RPS6KC1: variants seen among roughly 807,000 people sequenced by gnomAD.
RPS6KC1 encodes the protein ribosomal protein S6 kinase C1, also known as inactive ribosomal protein S6 kinase delta-1.
Under a neutral mutation model 103.8 loss-of-function variants are expected in RPS6KC1, and 54 were observed. The observed-to-expected ratio is 0.52, with a 90% CI of 0.42 to 0.65. RPS6KC1 has a LOEUF of 0.65. Among genes scored for constraint, RPS6KC1 ranks in the 30% least tolerant of loss-of-function variants. RPS6KC1 has a pLI of 0.00. For synonymous variants in RPS6KC1, 439 were observed against 438.7 expected, an observed-to-expected ratio of 1.00 and a Z score of -0.01; for missense variants, 1,151 against 1,253.8, an observed-to-expected ratio of 0.92 and a Z score of 1.24.
At chr1:213,343,389 GTGTATATATATATATA>G in the RPS6KC1 span, among the ~76,000 whole-genome samples, 23 of 65,862 alleles carry the variant, frequency 3.5e-4, 1 homozygote, top group African/African-American at 1.7e-3. Context: ...TCAGTGTTGT[GTGTATATATATATATA>G]TATATATATA....
the RPS6KC1 span, among the ~76,000 whole-genome samples, chr1:213,550,113 G>C: frequency 6.6e-6 from 1 of 152,134 alleles, no homozygotes; most frequent in Non-Finnish European, 1.5e-5. Context: ...ATTTACTGAA[G>C]TTCTATTTTA....
the RPS6KC1 span, among the ~76,000 whole-genome samples, chr1:213,669,654 C>T: frequency 6.6e-6 from 1 of 152,124 alleles, no homozygotes; most frequent in Non-Finnish European, 1.5e-5. Flanking sequence ...ACACAATGTC[C>T]GTAAAACGCA....
At chr1:213,645,538 G>A in the RPS6KC1 span, among the ~76,000 whole-genome samples, 1 of 152,128 alleles carries the variant, frequency 6.6e-6, no homozygotes, top group Admixed American at 6.5e-5. Context: ...TGTTGTCTCT[G>A]GGGTTGTAAT....
At chr1:213,710,068 T>C in the RPS6KC1 span, among the ~76,000 whole-genome samples, 1 of 152,236 alleles carries the variant, frequency 6.6e-6, no homozygotes, top group South Asian at 2.1e-4. Flanking sequence ...AAGTCCTGAA[T>C]ATCTTTGTTA....
At chr1:213,512,406 G>A in the RPS6KC1 span, among the ~76,000 whole-genome samples, 1 of 152,184 alleles carries the variant, frequency 6.6e-6, no homozygotes, top group Admixed American at 6.5e-5. Flanking sequence ...CCAATTTGGG[G>A]TCTTTTATAA....
chr1:213,558,546 C>A, the RPS6KC1 span, among the ~76,000 whole-genome samples: 1 of 152,186 alleles, frequency 6.6e-6, no homozygotes, highest in Non-Finnish European at 1.5e-5. Flanking sequence ...CCCATTGGAG[C>A]TTTTCAGCCC....
chr1:213,814,082 A>C, the RPS6KC1 span, among the ~76,000 whole-genome samples: 2 of 152,228 alleles, frequency 1.3e-5, no homozygotes, highest in Non-Finnish European at 2.9e-5. Context: ...GAACATGTGG[A>C]TGCTGTACTC....
chr1:213,228,926 A>G (rs1441584590), intron 8 of RPS6KC1, among the ~76,000 whole-genome samples: 1 of 152,144 alleles, frequency 6.6e-6, no homozygotes, highest in African/African-American at 2.4e-5. Context: ...AATACTTGGT[A>G]TTCAGAAGGT....
chr1:213,075,565 C>T (rs920807569), intron 2 of RPS6KC1, among the ~76,000 whole-genome samples: 12 of 152,176 alleles, frequency 7.9e-5, no homozygotes, highest in South Asian at 2.1e-4. Context: ...AGCTCCCTCA[C>T]GAGCTCCTAA....
At chr1:213,361,743 C>A in the RPS6KC1 span, among the ~76,000 whole-genome samples, 4,699 of 152,338 alleles carry the variant, frequency 0.031, 257 homozygotes, top group African/African-American at 0.11. Context: ...CCCCAGTTTA[C>A]AAAGACGCAC....
At chr1:213,494,013 A>G in the RPS6KC1 span, among the ~76,000 whole-genome samples, 1 of 152,082 alleles carries the variant, frequency 6.6e-6, no homozygotes, top group Non-Finnish European at 1.5e-5. Flanking sequence ...GAGGCTGTCA[A>G]TCTGTAGGTA....
the RPS6KC1 span, among the ~76,000 whole-genome samples, chr1:213,339,350 G>C: frequency 6.6e-6 from 1 of 152,200 alleles, no homozygotes; most frequent in South Asian, 2.1e-4. Context: ...GGCCCTCACA[G>C]CTGTGGCCCC....
chr1:213,589,932 GGTA>G, the RPS6KC1 span, among the ~76,000 whole-genome samples: 12 of 140,418 alleles, frequency 8.5e-5, no homozygotes, highest in Admixed American at 1.4e-4. Context: ...TGTGACAAAA[GGTA>G]GTGGTGTGTG....
At chr1:213,680,164 C>T in the RPS6KC1 span, among the ~76,000 whole-genome samples, 775 of 152,026 alleles carry the variant, frequency 5.1e-3, 10 homozygotes, top group African/African-American at 0.018. Context: ...TCATGTTTAC[C>T]CAAAGAAATT....
chr1:213,251,530 C>T (rs17020338), intron 12 of RPS6KC1, among the ~76,000 whole-genome samples: 41,697 of 152,136 alleles, frequency 0.27, 6,472 homozygotes, highest in Admixed American at 0.4. Flanking sequence ...TGAGTTTAGG[C>T]TGCCTTCATC....
At chr1:213,429,947 G>A in the RPS6KC1 span, among the ~76,000 whole-genome samples, 9 of 152,168 alleles carry the variant, frequency 5.9e-5, no homozygotes, top group Non-Finnish European at 8.8e-5. Flanking sequence ...ACTGAAATTG[G>A]AGTTCAACAG....
At chr1:213,526,226 T>C in the RPS6KC1 span, among the ~76,000 whole-genome samples, 7 of 152,180 alleles carry the variant, frequency 4.6e-5, no homozygotes, top group African/African-American at 1.4e-4. Flanking sequence ...CCATTTGCAA[T>C]ATTTTCTTAG....
At chr1:213,375,224 CACAT>C in the RPS6KC1 span, among the ~76,000 whole-genome samples, 21 of 151,922 alleles carry the variant, frequency 1.4e-4, no homozygotes, top group Admixed American at 7.2e-4. Flanking sequence ...CATACATATT[CACAT>C]ACATACACAT....
At chr1:213,206,648 G>T (rs79579625) in intron 8 of RPS6KC1, among the ~76,000 whole-genome samples, 1 of 152,220 alleles carries the variant, frequency 6.6e-6, no homozygotes, top group Non-Finnish European at 1.5e-5. Context: ...TCTAAATACC[G>T]CCCTTCTCCA....
Sources: gnomAD v4.1 joint callset for allele counts (sites outside exome capture counted in the v4.1 genomes callset) on GRCh38, gnomAD v4.1.1 for gene constraint, MANE v1.5 for transcripts, NCBI Gene and HGNC (gene_info 2026-07-23, HGNC 2026-07-21) for gene names.